The following VASH1 variants were observed in gnomAD, a reference collection of about 807,000 sequenced individuals.
VASH1 encodes the protein vasohibin 1, also known as tubulinyl-Tyr carboxypeptidase 1.
VASH1 carries 16 observed loss-of-function variants against 35.0 expected under a neutral mutation model. The observed-to-expected ratio is 0.46, with a 90% CI of 0.31 to 0.70. The LOEUF (loss-of-function observed/expected upper bound fraction) is 0.70. VASH1 is among the 30% of genes least tolerant of loss of function. VASH1 has a pLI of 0.05. For synonymous variants in VASH1, 214 were observed against 200.9 expected (o/e 1.07, Z -0.55); for missense variants, 505 against 510.7 (o/e 0.99, Z 0.11).
intron 5 of VASH1, among the ~76,000 whole-genome samples, chr14:76,776,567 G>C (rs1286815959): frequency 6.6e-6 from 1 of 152,090 alleles, no homozygotes; most frequent in Non-Finnish European, 1.5e-5. Context: ...GTGATGGGCA[G>C]CCTCCCCACT....
chr14:76,775,878 G>T lies in VASH1; in HGVS notation c.531-14G>T. 1 of 1,546,590 alleles carries T rather than the reference G, an allele frequency of 6.5e-7. No homozygotes were observed. Among genetic ancestry groups the T allele is most frequent in the Non-Finnish European group, 8.7e-7 (1 of 1,143,040 alleles). On this transcript the variant is annotated splice_polypyrimidine_tract_variant and intron_variant, in intron 4 of 6. Coordinates refer to ENST00000167106, the MANE Select transcript of VASH1 (RefSeq NM_014909.5). The stretch of plus-strand genomic sequence containing the variant: ...TGCTTCTCCTGGCTCTTTCCTTAGC[G>T]GGGCACTGGCCAGTTACCTCACCAA...
rs1202956276 is a variant in VASH1, at chr14:76,771,196, TCA to T, written c.410_411del (p.Thr137ArgfsTer6). The T allele has an allele frequency of 1.3e-6, 2 of 1,598,220 alleles. No homozygotes were observed. ...CCTTAACCCGTGCCCACAGGTACAA[TCA>T]CACAGGGACACAGTTCTTTGAAATT... is the stretch of plus-strand genomic sequence containing the variant. ...QRYIRELQYNHTGTQFFEIKK... is the reference protein window; with the variant it reads ...QRYIRELQYNXTGTQFFEIKK... On this transcript the variant is annotated frameshift_variant, in exon 3 of 7. Transcript: ENST00000167106. LOFTEE classifies it high-confidence loss of function.
At chr14:76,778,779 G>A (rs1305340389) in intron 6 of VASH1, among the ~76,000 whole-genome samples, 167 bp from the exon 7 acceptor site, 5 of 152,188 alleles carry the variant, frequency 3.3e-5, no homozygotes, top group African/African-American at 9.7e-5. Context: ...CAGCACAGGC[G>A]GGCCAGGGTG....
Position 76,779,406 on chromosome 14 carries a change from G to A in VASH1, c.*388G>A, listed in dbSNP as rs1339339741. ...CCTGGCTTCTCTCTGGGAGTTGGGT[G>A]CATCTTATCAGTGGGAAATCTCCCA... On this transcript the variant is annotated 3_prime_UTR_variant, in exon 7 of 7. Transcript: ENST00000167106. The A allele has an allele frequency of 1.4e-6, 1 of 691,272 alleles. No individual in the cohort carries two copies. The highest frequency in any genetic ancestry group is 2.6e-6 in the Non-Finnish European group (1 of 378,558). The allele number at this position is 691,272 out of a possible 1,614,324, so 42.8% of individuals were successfully genotyped here. A position where few individuals can be genotyped will look rare whatever the true frequency, so the allele number is the denominator to read the frequency against.
chr14:76,772,645 A>T lies in VASH1; in HGVS notation c.456-492A>T, dbSNP rs570134640. Among the ~76,000 whole-genome samples the T allele has an allele frequency of 2.6e-5, 4 of 152,372 alleles. No homozygotes were observed. The East Asian group carries it at 7.7e-4, about 29-fold the overall frequency. ...GGTAACTATCTGCCTAAGATCCCAC[A>T]TCCAGGCTCAGGCAGCTGCGGGGAG... On this transcript the variant is annotated intron_variant, in intron 3 of 6. Transcript: ENST00000167106.
chr14:76,776,422 C>T (rs1893946551), intron 5 of VASH1, 149 bp downstream of exon 5: 7 of 1,181,902 alleles, frequency 5.9e-6, no homozygotes, highest in South Asian at 1.6e-5. Flanking sequence ...CAGGTGGTCC[C>T]CTGGGGTGGG....
chr14:76,772,222 A>G (rs576421492), intron 3 of VASH1, among the ~76,000 whole-genome samples: 20 of 152,358 alleles, frequency 1.3e-4, no homozygotes, highest in African/African-American at 4.8e-4. Flanking sequence ...CCTGGGTGAC[A>G]GGGCGAGACT....
At chr14:76,764,835 A>G (rs533657815) in intron 1 of VASH1, among the ~76,000 whole-genome samples, 4 of 151,850 alleles carry the variant, frequency 2.6e-5, no homozygotes, top group Non-Finnish European at 4.4e-5. Context: ...GTAGGCACCT[A>G]CCACCACACC....
intron 1 of VASH1, among the ~76,000 whole-genome samples, chr14:76,766,729 A>G (rs1893651926): frequency 6.6e-6 from 1 of 152,084 alleles, no homozygotes; most frequent in African/African-American, 2.4e-5. Context: ...GGCAGGAGCT[A>G]CTACACCCAG....
At position 76,781,343 on chromosome 14, in the gene VASH1, G is replaced by A. The variant is rs2140194964; in HGVS notation, c.*2325G>A. The A allele has an allele frequency of 1.3e-5, 2 of 152,402 alleles. 1 individual carries two copies. Among genetic ancestry groups the A allele is most frequent in the South Asian group, 4.1e-4 (2 of 4,828 alleles). The allele number at this position is 152,402 out of a possible 1,614,324, so 9.4% of individuals were successfully genotyped here. A position where few individuals can be genotyped will look rare whatever the true frequency, so the allele number is the denominator to read the frequency against. On this transcript the variant is annotated 3_prime_UTR_variant, in exon 7 of 7. Transcript: ENST00000167106. ...CTCACCATCCCATCCCAGCTTTCAG[G>A]GAGTGGGGGTAGTGTGGTCTCCATG...
In VASH1 at chr14:76,763,864, G is replaced by A. The variant is rs557168138; in HGVS notation, c.309+734G>A. On this transcript the variant is annotated intron_variant, in intron 1 of 6. Transcript: ENST00000167106. ...AGTTGTGTCACCAACGAAAACAGAGGCTGTATCTCATTCATCTTTGTCTTC... is the reference window on the plus strand; with the variant it reads ...AGTTGTGTCACCAACGAAAACAGAGACTGTATCTCATTCATCTTTGTCTTC... 2.6e-5 allele frequency among the ~76,000 whole-genome samples: 4 copies of A among 152,330 alleles called. No individual in the cohort carries two copies. In the South Asian group the frequency reaches 8.3e-4, roughly 32 times the overall value.
chr14:76,768,490 C>T (rs1464160154), intron 1 of VASH1, among the ~76,000 whole-genome samples: 1 of 152,106 alleles, frequency 6.6e-6, no homozygotes, highest in Non-Finnish European at 1.5e-5. Flanking sequence ...GGCCCTGGAC[C>T]AGGGCCCCTT....
At chr14:76,770,731 C>T (rs8010517) in intron 2 of VASH1, among the ~76,000 whole-genome samples, 3 of 152,028 alleles carry the variant, frequency 2.0e-5, no homozygotes, top group Admixed American at 1.3e-4. Context: ...GGTCCTGGGT[C>T]GGGAGAAGCC....
rs1373676765 is a variant in VASH1 at position 76,767,283 on chromosome 14, T to TAAATAAAA, written c.310-2677_310-2676insTAAAAAAA. On this transcript the variant is annotated intron_variant, in intron 1 of 6. Transcript: ENST00000167106. ...ATAAATAAATAAATAAATAAATAAATAAAAAGTCACGACTGTAAATGGCAG... is the reference window on the plus strand; with the variant it reads ...ATAAATAAATAAATAAATAAATAAATAAATAAAAAAAAAGTCACGACTGTAAATGGCAG... Among the ~76,000 whole-genome samples, 52 of 151,112 alleles carry TAAATAAAA rather than the reference T, an allele frequency of 3.4e-4. 1 individual carries two copies. The highest frequency in any genetic ancestry group is 2.3e-3 in the South Asian group (11 of 4,798).
In VASH1 at chr14:76,763,100, A is replaced by G. The variant is rs770326225; in HGVS notation, c.279A>G (p.Gln93=). 16 of 1,498,016 alleles carry G rather than the reference A, an allele frequency of 1.1e-5. No homozygotes were observed. The South Asian group carries it at 1.4e-4, about 13-fold the overall frequency. The allele number at this position is 1,498,016 out of a possible 1,614,324, so 92.8% of individuals were successfully genotyped here. A position where few individuals can be genotyped will look rare whatever the true frequency, so the allele number is the denominator to read the frequency against. The change falls in exon 1 of 7, where the codon CAA becomes CAG. Residue 93 remains glutamine (Q), a synonymous_variant. Transcript: ENST00000167106. ...ACCCCGATGGAGAGAAGGTGGCGCA[A>G]CGGATCCGTGGGGCCACAGACCTGC... The part of the protein sequence containing the change: ...KIHPDGEKVA[Q]RIRGATDLPK...
chr14:76,779,345 G>C lies in VASH1; in HGVS notation c.*327G>C, dbSNP rs1028498749. On this transcript the variant is annotated 3_prime_UTR_variant, in exon 7 of 7. Coordinates refer to ENST00000167106, the MANE Select transcript of VASH1 (RefSeq NM_014909.5). ...ACAAATCCATGTGTCATGGGGCCAG[G>C]TGAGGGAAACTGCTGGTTCTGCTGG... 2.8e-6 allele frequency: 2 copies of C among 702,304 alleles called. No homozygotes were observed. The highest frequency in any genetic ancestry group is 2.7e-5 in the East Asian group (1 of 37,284). 43.5% of individuals were successfully genotyped at this position (702,304 alleles called of 1,614,324 possible).
At chr14:76,775,397 C>G (rs933215061) in intron 4 of VASH1, among the ~76,000 whole-genome samples, 1 of 152,038 alleles carries the variant, frequency 6.6e-6, no homozygotes, top group Non-Finnish European at 1.5e-5. Flanking sequence ...GGGCACCTCC[C>G]AGGCCTCAGT....
At position 76,776,146 on chromosome 14, in the gene VASH1, G is replaced by C; in HGVS notation, c.785G>C (p.Ser262Thr). The change falls in exon 5 of 7, where the codon AGC becomes ACC. Residue 262 changes from serine to threonine, a missense_variant. Ser to Thr is a moderately conservative substitution (Grantham distance 58, BLOSUM62 1). Transcript: ENST00000167106. ...HVLKKVKLGQSVSHDPHSVEQ... is the reference protein window; with the variant it reads ...HVLKKVKLGQTVSHDPHSVEQ... ...CTCAAGAAGGTGAAGCTGGGCCAGA[G>C]CGTGTCACACGACCCGCACAGCGTG... The C allele has an allele frequency of 6.2e-7, 1 of 1,610,488 alleles. No individual in the cohort carries two copies. The highest frequency in any genetic ancestry group is 8.5e-7 in the Non-Finnish European group (1 of 1,179,784).
chr14:76,774,855 G>A (rs1255110553), intron 4 of VASH1: 2 of 152,420 alleles, frequency 1.3e-5, no homozygotes, highest in Non-Finnish European at 2.9e-5. Context: ...CTGGGCTGCT[G>A]ACTCACTGTG....
Sources: allele counts gnomAD v4.1 joint callset (sites outside exome capture counted in the v4.1 genomes callset), GRCh38; gene constraint gnomAD v4.1.1; transcripts MANE v1.5; gene names NCBI Gene and HGNC (gene_info 2026-07-23, HGNC 2026-07-21).